Variants in TOPAZ1 observed in about 807,000 individuals in gnomAD.
TOPAZ1 encodes the protein protein TOPAZ1.
In TOPAZ1, 66 loss-of-function variants were observed where a neutral mutation model predicts 172.2. The observed-to-expected ratio is 0.38, with a 90% CI of 0.31 to 0.47. The LOEUF (loss-of-function observed/expected upper bound fraction) is 0.47, where lower values mean the gene tolerates loss of function less well. Ranked by LOEUF, TOPAZ1 falls within the 20% of genes least tolerant of loss-of-function variation. TOPAZ1 has a pLI of 0.99. For synonymous variants in TOPAZ1, 681 were observed against 683.9 expected, an observed-to-expected ratio of 1.00 and a Z score of 0.07; for missense variants, 1,822 against 1,972.4, an observed-to-expected ratio of 0.92 and a Z score of 1.44.
downstream of TOPAZ1, among the ~76,000 whole-genome samples, chr3:44,334,628 GA>G (rs1700704892): frequency 6.6e-6 from 1 of 152,092 alleles, no homozygotes; most frequent in Non-Finnish European, 1.5e-5. Context: ...GAAGAATAAT[GA>G]GGAATAAAGG....
chr3:44,291,354 G>T lies in TOPAZ1; in HGVS notation c.3797+468G>T, dbSNP rs150530380. ...GCCGTGGCTCACGCCTGTAATCCCA[G>T]CACTTTGCAAGGCCGAGGCAGGCGG... On this transcript the variant is annotated intron_variant, in intron 12 of 19. Coordinates refer to ENST00000309765, the MANE Select transcript of TOPAZ1 (RefSeq NM_001145030.2). Among the ~76,000 whole-genome samples, 334 of 149,018 alleles carry T rather than the reference G, an allele frequency of 2.2e-3. 2 individuals carry two copies. Among genetic ancestry groups the T allele is most frequent in the African/African-American group, 7.9e-3 (321 of 40,596 alleles).
chr3:44,279,195 G>A (rs1699996594), intron 8 of TOPAZ1, among the ~76,000 whole-genome samples: 1 of 152,072 alleles, frequency 6.6e-6, no homozygotes, highest in South Asian at 2.1e-4. Flanking sequence ...GAAGATACTT[G>A]ATATGATTTT....
At chr3:44,263,983 A>C (rs946517752) in intron 5 of TOPAZ1, among the ~76,000 whole-genome samples, 36 of 152,192 alleles carry the variant, frequency 2.4e-4, no homozygotes, top group Non-Finnish European at 3.8e-4. Context: ...CAGAGAAAGC[A>C]CTCAAATGCC....
At position 44,298,065 on chromosome 3, in the gene TOPAZ1, A is replaced by G. The variant is rs564216643; in HGVS notation, c.3798-5950A>G. ...AAATTTCATCCATTGGTTTAACTCAATTCCTATCAGAATCCCTCTGGCAAG... is the reference window on the plus strand; with the variant it reads ...AAATTTCATCCATTGGTTTAACTCAGTTCCTATCAGAATCCCTCTGGCAAG... On this transcript the variant is annotated intron_variant, in intron 12 of 19. Coordinates refer to ENST00000309765, the MANE Select transcript of TOPAZ1 (RefSeq NM_001145030.2). Among the ~76,000 whole-genome samples, 5 of 152,302 alleles carry G rather than the reference A, an allele frequency of 3.3e-5. No homozygotes were observed. In the East Asian group the frequency reaches 7.7e-4, roughly 23 times the overall value.
At chr3:44,258,784 T>C (rs1023739763) in intron 4 of TOPAZ1, among the ~76,000 whole-genome samples, 22 of 152,198 alleles carry the variant, frequency 1.4e-4, no homozygotes, top group African/African-American at 5.3e-4. Context: ...TAAACGTTCA[T>C]GTACAGGTTT....
At position 44,331,815 on chromosome 3, in the gene TOPAZ1, G is replaced by A; in HGVS notation, c.4883G>A (p.Ser1628Asn). The A allele has an allele frequency of 1.3e-6, 2 of 1,551,976 alleles. No individual in the cohort carries two copies. Among genetic ancestry groups the A allele is most frequent in the Non-Finnish European group, 1.7e-6 (2 of 1,147,010 alleles). ...LKRCEDNQSR[S>N]NDDYQAAVER... ...AGGTGTGAAGACAACCAGTCTCGGA[G>A]CAATGATGATTATCAAGCTGCAGTA... Residue 1628 changes from serine (S) to asparagine (N), a missense_variant, in exon 20 of 20, where the codon AGC becomes AAC. Around this residue, in one of 2 missense-constraint regions of TOPAZ1, gnomAD observed 333 missense variants for 481.7 expected, o/e 0.69. Transcript: ENST00000309765.
intron 19 of TOPAZ1, among the ~76,000 whole-genome samples, chr3:44,331,565 GA>G (rs1700669055): frequency 1.3e-5 from 2 of 152,192 alleles, no homozygotes; most frequent in East Asian, 3.9e-4. Flanking sequence ...GGCCTCAAGC[GA>G]TCCCCCCAAC....
intron 19 of TOPAZ1, 59 bp downstream of exon 19, chr3:44,328,492 C>T: frequency 1.1e-6 from 1 of 927,230 alleles, no homozygotes. Context: ...CCACACCCAC[C>T]CTAAGATGTA....
chr3:44,278,264 T>A lies in TOPAZ1; in HGVS notation c.3373-3704T>A, dbSNP rs559650829. Reference sequence around the variant, plus strand: ...ATGATGTATTTTTTTTATGTGCTGCTAGATTCGGTTTGCTAATATTTTGTT... The same window carrying A: ...ATGATGTATTTTTTTTATGTGCTGCAAGATTCGGTTTGCTAATATTTTGTT... On this transcript the variant is annotated intron_variant, in intron 8 of 19. Coordinates refer to ENST00000309765, the MANE Select transcript of TOPAZ1 (RefSeq NM_001145030.2). Among the ~76,000 whole-genome samples the A allele has an allele frequency of 4.6e-5, 7 of 152,326 alleles. No homozygotes were observed. In the East Asian group the frequency reaches 1.3e-3, roughly 29 times the overall value.
intron 7 of TOPAZ1, among the ~76,000 whole-genome samples, chr3:44,270,147 T>C (rs1221168756): frequency 6.6e-6 from 1 of 152,206 alleles, no homozygotes; most frequent in African/African-American, 2.4e-5. Flanking sequence ...AAGTTTGTTG[T>C]AAAAAGCTTT....
At chr3:44,248,924 A>G (rs143189874) in intron 2 of TOPAZ1, among the ~76,000 whole-genome samples, 445 of 152,280 alleles carry the variant, frequency 2.9e-3, no homozygotes, top group Non-Finnish European at 3.6e-3. Context: ...TAGAATGCTT[A>G]TTTGTTTTTA....
chr3:44,273,622 C>T (rs1023010654), intron 8 of TOPAZ1, among the ~76,000 whole-genome samples: 1 of 152,000 alleles, frequency 6.6e-6, no homozygotes, highest in Admixed American at 6.6e-5. Context: ...ACTGATGTAC[C>T]ACCCCCCATG....
At chr3:44,318,968 C>T (rs1363810528) in intron 16 of TOPAZ1, among the ~76,000 whole-genome samples, 1 of 151,752 alleles carries the variant, frequency 6.6e-6, no homozygotes, top group Admixed American at 6.6e-5. Context: ...GAGAGGCAAC[C>T]GGAAACCTTT....
intron 5 of TOPAZ1, among the ~76,000 whole-genome samples, chr3:44,265,768 A>G (rs1389298882): frequency 1.3e-5 from 2 of 152,180 alleles, no homozygotes; most frequent in East Asian, 1.9e-4. Context: ...TTTATAGGGC[A>G]CAGAAAGAAT....
chr3:44,275,507 A>G (rs1191984068), intron 8 of TOPAZ1, among the ~76,000 whole-genome samples: 1 of 152,002 alleles, frequency 6.6e-6, no homozygotes, highest in South Asian at 2.1e-4. Context: ...CAGTTCATCC[A>G]TATTGCTGCA....
At chr3:44,298,812 G>GCCGGGCGCAGTGGCTCACGCCTGT in intron 12 of TOPAZ1, among the ~76,000 whole-genome samples, 1 of 126,264 alleles carries the variant, frequency 7.9e-6, no homozygotes, top group Non-Finnish European at 1.6e-5. Flanking sequence ...AAAAATAGGG[G>GCCGGGCGCAGTGGCTCACGCCTGT]AAAATTTGGA....
intron 2 of TOPAZ1, among the ~76,000 whole-genome samples, chr3:44,245,530 CTTTTTT>C (rs531158571): frequency 0.45 from 36,811 of 82,626 alleles, 7,661 homozygotes; most frequent in East Asian, 0.75. Context: ...CATAGAGTGG[CTTTTTT>C]TTTTTTTTTT....
chr3:44,254,927 G>T, intron 2 of TOPAZ1, 41 bp from the exon 3 acceptor site: 2 of 1,419,190 alleles, frequency 1.4e-6, no homozygotes, highest in Non-Finnish European at 1.9e-6. Context: ...GTTCTGCTTA[G>T]AATCTATTAT....
intron 2 of TOPAZ1, among the ~76,000 whole-genome samples, chr3:44,246,193 G>T (rs538797364): frequency 3.3e-5 from 5 of 152,288 alleles, no homozygotes; most frequent in South Asian, 4.1e-4. Context: ...GGACTAGTTT[G>T]CCCAATGCAA....
Sources: gnomAD v4.1 joint callset for allele counts (sites outside exome capture counted in the v4.1 genomes callset) on GRCh38, gnomAD v4.1.1 for gene constraint, gnomAD v4.1.1 regional missense constraint, MANE v1.5 for transcripts, NCBI Gene and HGNC (gene_info 2026-07-23, HGNC 2026-07-21) for gene names.